The following CLASRP variants were observed in gnomAD, a reference collection of about 807,000 sequenced individuals.
CLASRP encodes CLK4-associating serine/arginine rich protein.
CLASRP carries 52 observed loss-of-function variants against 99.9 expected under a neutral mutation model. The ratio of observed to expected loss-of-function variants is 0.52; its 90% confidence interval spans 0.42 to 0.66. CLASRP has a LOEUF of 0.66. Ranked by LOEUF, CLASRP falls within the 30% of genes least tolerant of loss-of-function variation. CLASRP has a pLI of 0.00. For missense variants in CLASRP, 848 were observed against 999.2 expected, an observed-to-expected ratio of 0.85 and a Z score of 2.04; for synonymous variants, 379 against 373.0, an observed-to-expected ratio of 1.02 and a Z score of -0.18.
rs925629785 is a variant in CLASRP at position 45,068,311 on chromosome 19, TCCCCCCCCCAC to T, written c.1708-99_1708-89del. 168 of 544,612 alleles carry T rather than the reference TCCCCCCCCCAC, an allele frequency of 3.1e-4. 1 individual carries two copies. The highest frequency in any genetic ancestry group is 2.9e-3 in the East Asian group (88 of 30,826). The allele number at this position is 544,612 out of a possible 1,614,324, so 33.7% of individuals were successfully genotyped here. Reference sequence around the variant, plus strand: ...CCTGCCCCTCCTCCCCACGTCGTTCTCCCCCCCCCACCCCCCCCCCGCACAAAGCCCCAGGC... The same window carrying T: ...CCTGCCCCTCCTCCCCACGTCGTTCTCCCCCCCCCGCACAAAGCCCCAGGC... On this transcript the variant is annotated intron_variant, in intron 15 of 20. Coordinates refer to ENST00000221455, the MANE Select transcript of CLASRP (RefSeq NM_007056.3).
chr19:45,044,473 A>G (rs1971877325), intron 2 of CLASRP, among the ~76,000 whole-genome samples: 1 of 152,182 alleles, frequency 6.6e-6, no homozygotes, highest in African/African-American at 2.4e-5. Flanking sequence ...ACAGTCACAT[A>G]GCATGAGGGC....
chr19:45,059,988 T>C (rs539932478), intron 8 of CLASRP, among the ~76,000 whole-genome samples: 9 of 152,246 alleles, frequency 5.9e-5, no homozygotes, highest in African/African-American at 2.2e-4. Context: ...CTCTGTCTGC[T>C]GTTCGCTTTG....
intron 5 of CLASRP, 69 bp from the exon 6 acceptor site, chr19:45,056,381 C>T: frequency 7.0e-7 from 1 of 1,428,324 alleles, no homozygotes; most frequent in Non-Finnish European, 9.9e-7. Context: ...CCACCGCACC[C>T]TTGTGTTCCC....
chr19:45,068,922 G>A (rs528069268), intron 16 of CLASRP, 144 bp from the exon 17 acceptor site: 27 of 753,628 alleles, frequency 3.6e-5, no homozygotes, highest in East Asian at 1.3e-4. Context: ...CCCGGGGGGC[G>A]GAGCCTGCAG....
intron 2 of CLASRP, among the ~76,000 whole-genome samples, chr19:45,050,676 A>C (rs181985962): frequency 1.3e-5 from 2 of 151,826 alleles, no homozygotes; most frequent in Non-Finnish European, 2.9e-5. Context: ...TGATTTCTCT[A>C]TATTCTTGTC....
intron 5 of CLASRP, among the ~76,000 whole-genome samples, chr19:45,053,658 T>C (rs756599810): frequency 3.3e-5 from 5 of 152,122 alleles, no homozygotes; most frequent in Non-Finnish European, 7.3e-5. Context: ...TTTTGTATTT[T>C]TAGTAGAGAC....
Position 45,070,016 on chromosome 19 carries a change from T to G in CLASRP, c.1875-6T>G. 6.3e-7 allele frequency: 1 copy of G among 1,575,364 alleles called. No homozygotes were observed. Among genetic ancestry groups the G allele is most frequent in the Non-Finnish European group, 8.7e-7 (1 of 1,144,850 alleles). ...CCGGCCAGATGCTCATGCCATGCCTTCGCAGGGAGCGGGAACGCCGAGAGA... is the reference window on the plus strand; with the variant it reads ...CCGGCCAGATGCTCATGCCATGCCTGCGCAGGGAGCGGGAACGCCGAGAGA... On this transcript the variant is annotated splice_region_variant and splice_polypyrimidine_tract_variant and intron_variant, in intron 18 of 20. Coordinates refer to ENST00000221455, the MANE Select transcript of CLASRP (RefSeq NM_007056.3).
At chr19:45,063,555 C>T (rs1043996320) in intron 11 of CLASRP, among the ~76,000 whole-genome samples, 7 of 148,188 alleles carry the variant, frequency 4.7e-5, no homozygotes, top group South Asian at 2.1e-4. Context: ...AAGCAGTTCT[C>T]GTGCCCTCAG....
In CLASRP at chr19:45,063,999, T is replaced by C; in HGVS notation, c.906-13T>C. On this transcript the variant is annotated splice_polypyrimidine_tract_variant and intron_variant, in intron 11 of 20. Coordinates refer to ENST00000221455, the MANE Select transcript of CLASRP (RefSeq NM_007056.3). ...GAGCCTGAGCTAGTGAGCCTCCTCC[T>C]CCCTACCCGCAGGTCACCCTCGGAG... 3 of 1,599,722 alleles carry C rather than the reference T, an allele frequency of 1.9e-6. No homozygotes were observed. In the South Asian group the frequency reaches 3.4e-5, roughly 18 times the overall value.
chr19:45,057,549 A>G (rs1972142965), intron 6 of CLASRP, among the ~76,000 whole-genome samples: 3 of 152,166 alleles, frequency 2.0e-5, no homozygotes, highest in Admixed American at 2.0e-4. Flanking sequence ...GTACCAGTCA[A>G]GGACTTCTTG....
At chr19:45,065,079 G>T (rs928011688) in intron 13 of CLASRP, among the ~76,000 whole-genome samples, 1 of 152,160 alleles carries the variant, frequency 6.6e-6, no homozygotes, top group South Asian at 2.1e-4. Context: ...ATGGGGAAGC[G>T]AAGCGGGTGG....
At position 45,067,378 on chromosome 19, in the gene CLASRP, G is replaced by A. The variant is rs1277101675; in HGVS notation, c.1451G>A (p.Arg484Gln). ...GGGGACCGCTACAGGCGGGGCGGCC[G>A]GGGCCTCAGGCACCACAGCAGTAGC... ...HSGDRYRRGG[R>Q]GLRHHSSSRS... is the part of the protein sequence containing the mutation. The change falls in exon 14 of 21, where the codon CGG (arginine) becomes CAG (glutamine). Residue 484 changes from arginine (R) to glutamine (Q), a missense_variant. By Grantham distance (43) the Arg-to-Gln change is conservative. Coordinates refer to ENST00000221455, the MANE Select transcript of CLASRP (RefSeq NM_007056.3). This position sits in a 1 kb window ranked among gnomAD's most constrained non-coding sequence, Gnocchi z 4.9. The A allele has an allele frequency of 5.9e-6, 9 of 1,530,314 alleles. No individual in the cohort carries two copies. The highest frequency in any genetic ancestry group is 2.4e-5 in the East Asian group (1 of 40,822). The allele number at this position is 1,530,314 out of a possible 1,614,324, so 94.8% of individuals were successfully genotyped here.
chr19:45,059,377 T>G lies in CLASRP; in HGVS notation c.710+13T>G. On this transcript the variant is annotated intron_variant, in intron 8 of 20. Coordinates refer to ENST00000221455, the MANE Select transcript of CLASRP (RefSeq NM_007056.3). The stretch of plus-strand genomic sequence containing the variant: ...GTGACTTCGTCAGGTGAGGCCTGCC[T>G]GCTGACACCCCTACCCATTCTGTGG... 6.4e-7 allele frequency: 1 copy of G among 1,567,730 alleles called. No homozygotes were observed. The highest frequency in any genetic ancestry group is 8.7e-7 in the Non-Finnish European group (1 of 1,154,222).
chr19:45,064,681 C>T (rs770870172), intron 13 of CLASRP, 51 bp downstream of exon 13: 62 of 1,491,402 alleles, frequency 4.2e-5, no homozygotes, highest in Non-Finnish European at 5.2e-5. Flanking sequence ...GCGCGGTCTC[C>T]GATCCTGGGG....
intron 7 of CLASRP, 126 bp from the exon 8 acceptor site, chr19:45,059,142 C>T (rs970723302): frequency 5.2e-6 from 4 of 765,642 alleles, no homozygotes; most frequent in Non-Finnish European, 8.9e-6. Context: ...AGACTTGATG[C>T]CATCCCTTCC....
intron 2 of CLASRP, among the ~76,000 whole-genome samples, chr19:45,050,634 A>T (rs1352394281): frequency 2.0e-5 from 3 of 151,840 alleles, no homozygotes; most frequent in Admixed American, 2.0e-4. Context: ...CAGTGAGCTG[A>T]TATCGCACCA....
intron 3 of CLASRP, 115 bp from the exon 4 acceptor site, chr19:45,052,676 C>T (rs1972046724): frequency 1.4e-6 from 1 of 728,764 alleles, no homozygotes; most frequent in Non-Finnish European, 2.3e-6. Flanking sequence ...GGCATGGGGA[C>T]CAAAGCAGGC....
chr19:45,056,194 C>T (rs2122566355), intron 5 of CLASRP, among the ~76,000 whole-genome samples: 1 of 152,296 alleles, frequency 6.6e-6, no homozygotes, highest in South Asian at 2.1e-4. Context: ...ACTCACTCTG[C>T]CCGTGGTCCC....
At chr19:45,050,083 ATG>A (rs1425285293) in intron 2 of CLASRP, among the ~76,000 whole-genome samples, 1 of 151,928 alleles carries the variant, frequency 6.6e-6, no homozygotes, top group African/African-American at 2.4e-5. Flanking sequence ...AGCACGGGGC[ATG>A]TCTGGAATGC....
Sources: allele counts gnomAD v4.1 joint callset (sites outside exome capture counted in the v4.1 genomes callset), GRCh38; gene constraint gnomAD v4.1.1; non-coding constraint Gnocchi (gnomAD v3.1); transcripts MANE v1.5; gene names NCBI Gene and HGNC (gene_info 2026-07-23, HGNC 2026-07-21).